Variants in ADCY5 observed in about 807,000 individuals in gnomAD.
ADCY5 encodes the protein adenylate cyclase 5.
A neutral mutation model predicts 119.7 loss-of-function variants in ADCY5; 30 were observed. The ratio of observed to expected loss-of-function variants is 0.25; its 90% CI spans 0.19 to 0.34. The LOEUF is 0.34. Ranked by LOEUF, ADCY5 falls within the 10% of genes least tolerant of loss-of-function variation. The pLI is 1.00. For synonymous variants in ADCY5, 753 were observed against 762.2 expected, an observed-to-expected ratio of 0.99 and a Z score of 0.20; for missense variants, 1,324 against 1,775.2, an observed-to-expected ratio of 0.75 and a Z score of 4.57.
At chr3:123,369,977 C>T (rs1346428623) in intron 1 of ADCY5, among the ~76,000 whole-genome samples, 1 of 152,198 alleles carries the variant, frequency 6.6e-6, no homozygotes, top group Non-Finnish European at 1.5e-5. Context: ...ATTGGCACCA[C>T]GGCCACGGGA....
At chr3:123,338,471 C>T (rs1942124471) in intron 3 of ADCY5, among the ~76,000 whole-genome samples, 1 of 152,246 alleles carries the variant, frequency 6.6e-6, no homozygotes, top group Non-Finnish European at 1.5e-5. Context: ...AGCAGACTGT[C>T]TGTTCTGCTG....
intron 1 of ADCY5, among the ~76,000 whole-genome samples, chr3:123,438,555 T>C (rs1945665229): frequency 6.6e-6 from 1 of 152,126 alleles, no homozygotes; most frequent in Non-Finnish European, 1.5e-5. Context: ...GAATATCCCT[T>C]TGTCCAGCAG....
chr3:123,382,128 G>A (rs1372520875), intron 1 of ADCY5, among the ~76,000 whole-genome samples: 1 of 152,110 alleles, frequency 6.6e-6, no homozygotes, highest in Non-Finnish European at 1.5e-5. Flanking sequence ...CTTTGATCTG[G>A]CTGTTGCTTC....
chr3:123,290,930 T>C (rs143530483), intron 18 of ADCY5, among the ~76,000 whole-genome samples, 183 bp downstream of exon 18: 328 of 152,324 alleles, frequency 2.2e-3, no homozygotes, highest in African/African-American at 6.8e-3. Flanking sequence ...AGAGAGGCCA[T>C]GTGTGCAAGG....
At position 123,332,672 on chromosome 3, in the gene ADCY5, G is replaced by A; in HGVS notation, c.1410C>T (p.Ile470=). Reference sequence around the variant, plus strand: ...TGAAGCCCTCGATGTCAGCAAACAGGATGCTGGGGGACAGGCAGAGGAGGA... The same window carrying A: ...TGAAGCCCTCGATGTCAGCAAACAGAATGCTGGGGGACAGGCAGAGGAGGA... The part of the protein sequence containing the change: ...IYIQKHDNVS[I]LFADIEGFTS... The change falls in exon 4 of 21, where the codon ATC becomes ATT. Residue 470 remains isoleucine (I), a synonymous_variant. Coordinates refer to ENST00000462833, the MANE Select transcript of ADCY5 (RefSeq NM_183357.3). The A allele has an allele frequency of 6.2e-7, 1 of 1,605,016 alleles. No individual in the cohort carries two copies. Among genetic ancestry groups the A allele is most frequent in the Non-Finnish European group, 8.5e-7 (1 of 1,172,144 alleles).
At chr3:123,330,070 C>A (rs1941685681) in intron 5 of ADCY5, among the ~76,000 whole-genome samples, 1 of 152,228 alleles carries the variant, frequency 6.6e-6, no homozygotes, top group African/African-American at 2.4e-5. Flanking sequence ...CACCAGGAGT[C>A]CTGGTCTCTC....
chr3:123,368,733 CAG>C (rs1385173791), intron 1 of ADCY5, among the ~76,000 whole-genome samples: 1 of 141,314 alleles, frequency 7.1e-6, no homozygotes, highest in Non-Finnish European at 1.5e-5. Flanking sequence ...GCGTGGGTGA[CAG>C]AGCAAGACTG....
chr3:123,421,776 T>C (rs530612553), intron 1 of ADCY5, among the ~76,000 whole-genome samples: 2 of 152,180 alleles, frequency 1.3e-5, no homozygotes, highest in Non-Finnish European at 2.9e-5. Flanking sequence ...TGCTATGCTA[T>C]AGTGGAAAGG....
chr3:123,388,153 G>A (rs550142101), intron 1 of ADCY5, among the ~76,000 whole-genome samples: 6 of 152,292 alleles, frequency 3.9e-5, no homozygotes, highest in South Asian at 2.1e-4. Flanking sequence ...TGGAAATGTC[G>A]CATTACAGCT....
At chr3:123,411,461 T>C (rs1459412864) in intron 1 of ADCY5, among the ~76,000 whole-genome samples, 1 of 152,116 alleles carries the variant, frequency 6.6e-6, no homozygotes, top group African/African-American at 2.4e-5. Context: ...GTAACACTCA[T>C]AGTGCCTGAA....
rs971065892 is a variant in ADCY5 at position 123,282,858 on chromosome 3, C to T, written c.*1750G>A. Reference sequence around the variant, plus strand: ...GGCAGCTGGCACAGAGCCACTGCCTCATCACCTCCAAGCTCATGTTGGAGG... The same window carrying T: ...GGCAGCTGGCACAGAGCCACTGCCTTATCACCTCCAAGCTCATGTTGGAGG... On this transcript the variant is annotated 3_prime_UTR_variant, in exon 21 of 21. Transcript: ENST00000462833. 1.3e-5 allele frequency: 2 copies of T among 152,134 alleles called. No individual in the cohort carries two copies. Among genetic ancestry groups the T allele is most frequent in the African/African-American group, 4.8e-5 (2 of 41,384 alleles). 9.4% of individuals were successfully genotyped at this position (152,134 alleles called of 1,614,324 possible). A position where few individuals can be genotyped will look rare whatever the true frequency, so the allele number is the denominator to read the frequency against.
intron 16 of ADCY5, chr3:123,296,866 T>C (rs2108229392): frequency 1.3e-6 from 1 of 796,072 alleles, no homozygotes; most frequent in Non-Finnish European, 1.9e-6. Context: ...GTCTTGTGCC[T>C]GCCAAGAGCT....
At chr3:123,318,379 T>C (rs902344774) in intron 10 of ADCY5, among the ~76,000 whole-genome samples, 10 of 152,116 alleles carry the variant, frequency 6.6e-5, no homozygotes, top group Admixed American at 5.2e-4. Flanking sequence ...GAGTAATCCA[T>C]AATGATCATG....
chr3:123,382,297 A>G (rs903572), intron 1 of ADCY5, among the ~76,000 whole-genome samples: 71,995 of 152,078 alleles, frequency 0.47, 17,817 homozygotes, highest in East Asian at 0.68. Flanking sequence ...TGGAGAAATC[A>G]GAACCTCCAG....
At chr3:123,331,710 CA>C (rs755752114) in intron 4 of ADCY5, among the ~76,000 whole-genome samples, 1 of 152,056 alleles carries the variant, frequency 6.6e-6, no homozygotes, top group Non-Finnish European at 1.5e-5. Context: ...CTCTGGCTCC[CA>C]AAGATAGTTG....
intron 3 of ADCY5, among the ~76,000 whole-genome samples, chr3:123,333,851 C>T (rs1380418922): frequency 6.6e-6 from 1 of 152,180 alleles, no homozygotes; most frequent in Non-Finnish European, 1.5e-5. Context: ...AGCCCCAAGC[C>T]CTCCATCCTG....
intron 17 of ADCY5, among the ~76,000 whole-genome samples, chr3:123,292,129 G>A (rs922790600): frequency 2.0e-5 from 3 of 152,230 alleles, no homozygotes; most frequent in South Asian, 2.1e-4. Context: ...GTCACACACC[G>A]AGGTGTGGCA....
chr3:123,314,425 T>A, intron 11 of ADCY5, 103 bp from the exon 12 acceptor site: 2 of 835,376 alleles, frequency 2.4e-6, no homozygotes, highest in Non-Finnish European at 3.8e-6. Flanking sequence ...CCCGTGCCCA[T>A]CCTCACAGCT....
intron 1 of ADCY5, among the ~76,000 whole-genome samples, chr3:123,442,210 A>G (rs1295126543): frequency 6.6e-6 from 1 of 152,176 alleles, no homozygotes; most frequent in Non-Finnish European, 1.5e-5. Context: ...CACTCCTGGG[A>G]AACACATGAC....
Sources: gnomAD v4.1 joint callset for allele counts (sites outside exome capture counted in the v4.1 genomes callset) on GRCh38, gnomAD v4.1.1 for gene constraint, MANE v1.5 for transcripts, NCBI Gene and HGNC (gene_info 2026-07-23, HGNC 2026-07-21) for gene names.